The following RNGTT variants were observed in gnomAD, a reference collection of about 807,000 sequenced individuals.
RNGTT encodes mRNA-capping enzyme.
In RNGTT, 33 loss-of-function variants were observed where a neutral mutation model predicts 79.3. The observed-to-expected ratio is 0.42, with a 90% CI of 0.32 to 0.56. RNGTT has a LOEUF of 0.56. Among genes scored for constraint, RNGTT ranks in the 20% least tolerant of loss-of-function variants. The pLI is 0.17. For synonymous variants in RNGTT, 222 were observed against 235.9 expected (o/e 0.94, Z 0.54); for missense variants, 497 against 739.1 (o/e 0.67, Z 3.80).
chr6:88,951,468 G>A (rs575243389), intron 1 of RNGTT, among the ~76,000 whole-genome samples: 1 of 152,292 alleles, frequency 6.6e-6, no homozygotes, highest in African/African-American at 2.4e-5. Context: ...TTCATGAAGA[G>A]TCAATCTATG....
intron 14 of RNGTT, among the ~76,000 whole-genome samples, chr6:88,674,135 A>T (rs767704022): frequency 2.0e-5 from 3 of 152,252 alleles, no homozygotes; most frequent in Admixed American, 6.5e-5. Context: ...GAGGTTCCAT[A>T]ATTCAAGATC....
At chr6:88,713,188 T>G (rs1364871948) in intron 13 of RNGTT, among the ~76,000 whole-genome samples, 2 of 152,102 alleles carry the variant, frequency 1.3e-5, no homozygotes, top group African/African-American at 4.8e-5. Context: ...ATGATGGGAT[T>G]AATGCCTTTA....
intron 13 of RNGTT, among the ~76,000 whole-genome samples, chr6:88,769,311 C>G (rs1199206944): frequency 7.4e-6 from 1 of 134,720 alleles, no homozygotes; most frequent in Non-Finnish European, 1.6e-5. Context: ...CAGGTATGTG[C>G]CAACAAGCCC....
intron 13 of RNGTT, among the ~76,000 whole-genome samples, chr6:88,742,153 G>C (rs543255723): frequency 6.6e-6 from 1 of 152,140 alleles, no homozygotes; most frequent in African/African-American, 2.4e-5. Flanking sequence ...CAGACAAATA[G>C]GACATATACA....
intron 13 of RNGTT, among the ~76,000 whole-genome samples, chr6:88,769,283 C>A (rs765944634): frequency 1.1e-3 from 165 of 152,142 alleles, no homozygotes; most frequent in Non-Finnish European, 1.5e-3. Context: ...ACCTCAGCCT[C>A]CCGAGTAGCT....
chr6:88,953,896 T>G (rs972412679), intron 1 of RNGTT, among the ~76,000 whole-genome samples: 4 of 152,156 alleles, frequency 2.6e-5, no homozygotes, highest in Admixed American at 6.5e-5. Context: ...GAAGGAGAGA[T>G]AGTCTTTCTC....
At chr6:88,635,643 G>A (rs912450670) in intron 14 of RNGTT, among the ~76,000 whole-genome samples, 5 of 151,894 alleles carry the variant, frequency 3.3e-5, no homozygotes, top group African/African-American at 9.7e-5. Flanking sequence ...ATTTATAATC[G>A]TGGTTTCTAA....
chr6:88,943,809 T>C (rs774662869), intron 1 of RNGTT, among the ~76,000 whole-genome samples: 24 of 152,256 alleles, frequency 1.6e-4, no homozygotes, highest in African/African-American at 5.1e-4. Context: ...TCAACATAAT[T>C]AGTCCCCTGT....
At chr6:88,950,818 T>A (rs1785217819) in intron 1 of RNGTT, among the ~76,000 whole-genome samples, 1 of 151,432 alleles carries the variant, frequency 6.6e-6, no homozygotes, top group Non-Finnish European at 1.5e-5. Flanking sequence ...GAGGACACAG[T>A]GAGATACTGT....
At chr6:88,695,552 G>A (rs1045106596) in intron 13 of RNGTT, among the ~76,000 whole-genome samples, 7 of 152,116 alleles carry the variant, frequency 4.6e-5, no homozygotes, top group Non-Finnish European at 1.0e-4. Context: ...CTATTGGTGG[G>A]AATGTAAGTT....
intron 4 of RNGTT, among the ~76,000 whole-genome samples, chr6:88,912,904 C>T (rs565797913): frequency 6.6e-6 from 1 of 152,100 alleles, no homozygotes; most frequent in East Asian, 1.9e-4. Flanking sequence ...AAAAAACCTA[C>T]CAACCCCAAA....
In RNGTT at chr6:88,628,444, T is replaced by C. The variant is rs1372737215; in HGVS notation, c.1507-14049A>G. Among the ~76,000 whole-genome samples, 3 of 152,270 alleles carry C rather than the reference T, an allele frequency of 2.0e-5. No individual in the cohort carries two copies. In the East Asian group the frequency reaches 5.8e-4, roughly 29 times the overall value. On this transcript the variant is annotated intron_variant, in intron 14 of 15. Transcript: ENST00000369485. ...CCCCAATTATCTGTATTAATTGGTG[T>C]GTATGTGTGAACATTCACATATTGG...
At chr6:88,785,910 C>T (rs1488878951) in intron 12 of RNGTT, among the ~76,000 whole-genome samples, 1 of 151,786 alleles carries the variant, frequency 6.6e-6, no homozygotes, top group East Asian at 1.9e-4. Flanking sequence ...TGATGAATAC[C>T]AGATACATAA....
At chr6:88,615,929 C>T (rs1178935350) in intron 14 of RNGTT, among the ~76,000 whole-genome samples, 1 of 152,112 alleles carries the variant, frequency 6.6e-6, no homozygotes, top group Non-Finnish European at 1.5e-5. Context: ...TTCAGCAATG[C>T]TAAGTGTATG....
intron 4 of RNGTT, among the ~76,000 whole-genome samples, chr6:88,909,769 G>A (rs1783773635): frequency 6.6e-6 from 1 of 152,088 alleles, no homozygotes; most frequent in Non-Finnish European, 1.5e-5. Flanking sequence ...TTATATTTAA[G>A]CACCAACTGC....
intron 12 of RNGTT, among the ~76,000 whole-genome samples, chr6:88,773,664 C>A (rs1004766334): frequency 6.6e-6 from 1 of 151,920 alleles, no homozygotes; most frequent in Non-Finnish European, 1.5e-5. Context: ...AGTCATAAAT[C>A]TATAGCAAAT....
intron 14 of RNGTT, among the ~76,000 whole-genome samples, chr6:88,628,388 A>T (rs949509186): frequency 1.3e-5 from 2 of 152,114 alleles, no homozygotes; most frequent in Admixed American, 1.3e-4. Flanking sequence ...AAACCCTTTT[A>T]TTCTGAAATA....
intron 13 of RNGTT, among the ~76,000 whole-genome samples, chr6:88,692,721 G>C (rs1278885425): frequency 6.6e-6 from 1 of 151,982 alleles, no homozygotes; most frequent in African/African-American, 2.4e-5. Context: ...TGGGAACAGT[G>C]ATTTCATATG....
intron 4 of RNGTT, among the ~76,000 whole-genome samples, chr6:88,910,874 T>A (rs1783808393): frequency 6.6e-6 from 1 of 152,186 alleles, no homozygotes; most frequent in South Asian, 2.1e-4. Context: ...GAATTCCATA[T>A]CCCACCAAAT....
Sources: allele counts gnomAD v4.1 joint callset (sites outside exome capture counted in the v4.1 genomes callset), GRCh38; gene constraint gnomAD v4.1.1; transcripts MANE v1.5; gene names NCBI Gene and HGNC (gene_info 2026-07-23, HGNC 2026-07-21).